The following VCL variants were observed in gnomAD, a reference collection of about 807,000 sequenced individuals.
The protein encoded by VCL is vinculin, also known as epididymis luminal protein 114.
Under a neutral mutation model 125.7 loss-of-function variants are expected in VCL, and 47 were observed. The ratio of observed to expected loss-of-function variants is 0.37; its 90% CI spans 0.30 to 0.48. VCL has a LOEUF of 0.48. Ranked by LOEUF, VCL falls within the 20% of genes least tolerant of loss-of-function variation. The probability of loss-of-function intolerance (pLI) is 0.99; values close to 1 mark genes in which losing one functional copy is unlikely to be tolerated. For missense variants in VCL, 1,069 were observed against 1,455.5 expected (o/e 0.73, Z 4.32); for synonymous variants, 458 against 514.6 (o/e 0.89, Z 1.49).
intron 9 of VCL, 39 bp from the exon 10 acceptor site, chr10:74,089,984 G>A (rs1591702084): frequency 1.9e-6 from 3 of 1,613,432 alleles, no homozygotes; most frequent in Non-Finnish European, 2.5e-6. Context: ...GAGTGTGTGA[G>A]TAGATCACAG....
At chr10:74,077,838 T>C in intron 6 of VCL, 1 of 399,678 alleles carries the variant, frequency 2.5e-6, no homozygotes. Flanking sequence ...ATTTTACCTT[T>C]TATACCTATA....
chr10:74,104,875 G>GT (rs1037099624), intron 15 of VCL, 176 bp from the exon 16 acceptor site: 273 of 754,786 alleles, frequency 3.6e-4, no homozygotes, highest in African/African-American at 2.3e-3. Context: ...TGTCCTCACT[G>GT]TTTTTTTTAA....
rs1840353067 is a variant in VCL, at chr10:74,118,908, C to A, written c.*739C>A. 1 of 153,512 alleles carries A rather than the reference C, an allele frequency of 6.5e-6. No individual in the cohort carries two copies. Among genetic ancestry groups the A allele is most frequent in the Non-Finnish European group, 1.5e-5 (1 of 68,724 alleles). 9.5% of individuals were successfully genotyped at this position (153,512 alleles called of 1,614,324 possible). A position where few individuals can be genotyped will look rare whatever the true frequency, so the allele number is the denominator to read the frequency against. Reference sequence around the variant, plus strand: ...GTCTGTGCTAGGGAAACTTCCCGTCCCATATCCTGCCTCAGCCCGCCAAGG... The same window carrying A: ...GTCTGTGCTAGGGAAACTTCCCGTCACATATCCTGCCTCAGCCCGCCAAGG... On this transcript the variant is annotated 3_prime_UTR_variant, in exon 22 of 22. Transcript: ENST00000211998.
At chr10:74,066,548 TA>T (rs1051664347) in intron 2 of VCL, among the ~76,000 whole-genome samples, 1 of 152,112 alleles carries the variant, frequency 6.6e-6, no homozygotes, top group African/African-American at 2.4e-5. Flanking sequence ...ATATAGGTGG[TA>T]AAAGTATAAA....
chr10:74,096,013 G>A (rs768099232), intron 12 of VCL, among the ~76,000 whole-genome samples, 158 bp downstream of exon 12: 1 of 152,086 alleles, frequency 6.6e-6, no homozygotes, highest in Non-Finnish European at 1.5e-5. Flanking sequence ...AGCTTATTAG[G>A]AAAAAGCTTG....
intron 7 of VCL, 121 bp from the exon 8 acceptor site, chr10:74,083,245 T>C: frequency 7.4e-7 from 1 of 1,346,098 alleles, no homozygotes; most frequent in Non-Finnish European, 1.0e-6. Flanking sequence ...ATATGTTGCC[T>C]TCTATTCACT....
At chr10:74,072,945 C>G in intron 5 of VCL, 93 bp downstream of exon 5, 7 of 1,279,800 alleles carry the variant, frequency 5.5e-6, no homozygotes, top group Admixed American at 2.2e-5. Flanking sequence ...GTTTTCTTTT[C>G]TTTTTTTTTT....
intron 1 of VCL, among the ~76,000 whole-genome samples, chr10:74,011,853 G>C (rs773535620): frequency 4.6e-5 from 7 of 152,180 alleles, no homozygotes; most frequent in Non-Finnish European, 8.8e-5. Context: ...ATAGAGGAGA[G>C]AGGTGGTGAA....
At chr10:74,010,294 A>G (rs1324425201) in intron 1 of VCL, among the ~76,000 whole-genome samples, 1 of 152,160 alleles carries the variant, frequency 6.6e-6, no homozygotes, top group Non-Finnish European at 1.5e-5. Flanking sequence ...GTAAGTAGGG[A>G]ATTTTGTTCT....
intron 1 of VCL, among the ~76,000 whole-genome samples, chr10:74,023,950 T>C (rs1001031286): frequency 6.6e-6 from 1 of 152,200 alleles, no homozygotes; most frequent in African/African-American, 2.4e-5. Context: ...CCAGCTCATA[T>C]GTAGTCACAC....
At chr10:74,065,381 C>T (rs1188505857) in intron 2 of VCL, among the ~76,000 whole-genome samples, 1 of 152,128 alleles carries the variant, frequency 6.6e-6, no homozygotes, top group Non-Finnish European at 1.5e-5. Flanking sequence ...TAGTGATCCA[C>T]TTACCTCGGC....
chr10:74,005,971 T>C (rs1655253400), intron 1 of VCL, among the ~76,000 whole-genome samples: 1 of 152,096 alleles, frequency 6.6e-6, no homozygotes, highest in Admixed American at 6.6e-5. Context: ...CTGCAACCTC[T>C]GCCTCCCAGA....
intron 13 of VCL, among the ~76,000 whole-genome samples, chr10:74,100,021 C>T (rs543688135): frequency 1.8e-4 from 27 of 152,278 alleles, no homozygotes; most frequent in Non-Finnish European, 8.8e-5. Flanking sequence ...AAAAAGAGGA[C>T]GCATTCCACT....
intron 1 of VCL, among the ~76,000 whole-genome samples, chr10:74,023,473 T>G (rs1230575390): frequency 6.6e-6 from 1 of 152,264 alleles, no homozygotes; most frequent in Non-Finnish European, 1.5e-5. Context: ...AATGTATGAC[T>G]GTACTTAAAA....
intron 1 of VCL, among the ~76,000 whole-genome samples, chr10:74,004,920 G>A (rs1048406882): frequency 1.3e-5 from 2 of 152,080 alleles, no homozygotes; most frequent in Admixed American, 1.3e-4. Context: ...GGCCAGGGTG[G>A]TCTTGATTTC....
chr10:74,082,477 A>T lies in VCL; in HGVS notation c.807A>T (p.Ala269=), dbSNP rs772312532. Residue 269 remains alanine, a synonymous_variant, in exon 7 of 22, where the codon GCA becomes GCT. Coordinates refer to ENST00000211998, the MANE Select transcript of VCL (RefSeq NM_014000.3). ...AGGACACTGAAGCCATGAAGAGAGCATTGGCCTCCATAGACTCCAAACTGA... is the reference window on the plus strand; with the variant it reads ...AGGACACTGAAGCCATGAAGAGAGCTTTGGCCTCCATAGACTCCAAACTGA... ...ASKDTEAMKR[A]LASIDSKLNQ... is the part of the protein sequence containing the mutation. 2 of 1,614,198 alleles carry T rather than the reference A, an allele frequency of 1.2e-6. No homozygotes were observed. Among genetic ancestry groups the T allele is most frequent in the Non-Finnish European group, 1.7e-6 (2 of 1,180,018 alleles).
chr10:74,101,747 C>T (rs1441198862), intron 14 of VCL, among the ~76,000 whole-genome samples: 2 of 150,094 alleles, frequency 1.3e-5, no homozygotes, highest in African/African-American at 2.4e-5. Context: ...TTAGTAGAGA[C>T]GGGGTTTCAC....
intron 2 of VCL, among the ~76,000 whole-genome samples, chr10:74,055,812 C>A (rs750451261): frequency 6.6e-6 from 1 of 152,012 alleles, no homozygotes; most frequent in African/African-American, 2.4e-5. Flanking sequence ...AGCTGATGGA[C>A]CAGGAGGTAG....
rs756849548 is a variant in VCL at position 74,114,285 on chromosome 10, G to T, written c.3051G>T (p.Gln1017His). ...GGSGTKRALIQCAKDIAKASD... is the reference protein window; with the variant it reads ...GGSGTKRALIHCAKDIAKASD... The stretch of plus-strand genomic sequence containing the variant: ...GTGGTACCAAGCGGGCACTCATTCA[G>T]TGTGCCAAGGACATCGCCAAGGCCT... The change falls in exon 20 of 22, where the codon CAG (glutamine) becomes CAT (histidine). Residue 1017 changes from glutamine to histidine, a missense_variant. Gln to His is a conservative substitution (Grantham distance 24). Transcript: ENST00000211998. 1 of 1,614,156 alleles carries T rather than the reference G, an allele frequency of 6.2e-7. No individual in the cohort carries two copies. The highest frequency in any genetic ancestry group is 8.5e-7 in the Non-Finnish European group (1 of 1,180,048).
Sources: gnomAD v4.1 joint callset for allele counts (sites outside exome capture counted in the v4.1 genomes callset) on GRCh38, gnomAD v4.1.1 for gene constraint, MANE v1.5 for transcripts, NCBI Gene and HGNC (gene_info 2026-07-23, HGNC 2026-07-21) for gene names.